The following TMEM74 variants were observed in gnomAD, a reference collection of about 807,000 sequenced individuals.
TMEM74 encodes the protein transmembrane protein 74.
In TMEM74, 13 loss-of-function variants were observed where a neutral mutation model predicts 18.1. That is an observed-to-expected ratio of 0.72 (90% CI 0.47 to 1.14). TMEM74 has a LOEUF of 1.14. Ranked by LOEUF, TMEM74 falls within the 50% of genes most tolerant of loss-of-function variation. The probability of loss-of-function intolerance (pLI) is 0.00; values close to 1 mark genes in which losing one functional copy is unlikely to be tolerated. For synonymous variants in TMEM74, 159 were observed against 146.6 expected (o/e 1.08, Z -0.61); for missense variants, 372 against 375.9 (o/e 0.99, Z 0.09).
intron 1 of TMEM74, among the ~76,000 whole-genome samples, chr8:108,678,691 C>A (rs1813080741): frequency 6.6e-6 from 1 of 150,454 alleles, no homozygotes; most frequent in Admixed American, 6.6e-5. Context: ...TCTTATAAAG[C>A]TGACTTTATT....
intron 2 of TMEM74, among the ~76,000 whole-genome samples, chr8:108,628,986 GT>G (rs911321632): frequency 6.6e-6 from 1 of 151,784 alleles, no homozygotes; most frequent in Non-Finnish European, 1.5e-5. Context: ...GGTGTTGTTT[GT>G]TTTTTTCTTG....
chr8:108,690,945 G>A (rs1159386513), intron 1 of TMEM74, among the ~76,000 whole-genome samples: 1 of 152,210 alleles, frequency 6.6e-6, no homozygotes, highest in Non-Finnish European at 1.5e-5. Context: ...AGCTCACAAA[G>A]TTAATGAGAG....
At chr8:108,683,365 T>A (rs1405355047) in intron 1 of TMEM74, among the ~76,000 whole-genome samples, 1 of 151,784 alleles carries the variant, frequency 6.6e-6, no homozygotes, top group African/African-American at 2.4e-5. Context: ...TTTATAAACA[T>A]AATTACAAAT....
At chr8:108,646,082 T>C (rs1190210870) in intron 2 of TMEM74, among the ~76,000 whole-genome samples, 1 of 133,010 alleles carries the variant, frequency 7.5e-6, no homozygotes, top group East Asian at 2.1e-4. Context: ...GTTCACGAAG[T>C]TTTTTTTTTT....
chr8:108,690,622 T>C (rs1320255604), intron 1 of TMEM74, among the ~76,000 whole-genome samples: 1 of 151,864 alleles, frequency 6.6e-6, no homozygotes, highest in East Asian at 1.9e-4. Flanking sequence ...AAGACTATCC[T>C]GGATAACACG....
intron 1 of TMEM74, among the ~76,000 whole-genome samples, chr8:108,725,987 T>C (rs529197217): frequency 6.6e-6 from 1 of 152,260 alleles, no homozygotes; most frequent in East Asian, 1.9e-4. Flanking sequence ...TTGTATACCA[T>C]GTGAGAACTT....
At chr8:108,765,407 C>CTTTTTTTTTTTTTTTTTT (rs61334796) in intron 1 of TMEM74, among the ~76,000 whole-genome samples, 3 of 120,732 alleles carry the variant, frequency 2.5e-5, no homozygotes, top group African/African-American at 6.3e-5. Flanking sequence ...TTTGGAACTA[C>CTTTTTTTTTTTTTTTTTT]TTTTTTTTTT....
At chr8:108,787,020 C>T (rs1814393949) in intron 1 of TMEM74, among the ~76,000 whole-genome samples, 2 of 152,156 alleles carry the variant, frequency 1.3e-5, no homozygotes, top group Admixed American at 6.5e-5. Context: ...ATGGATAATC[C>T]CAGGGGACCA....
intron 1 of TMEM74, among the ~76,000 whole-genome samples, chr8:108,751,732 A>C (rs1370681492): frequency 2.6e-5 from 4 of 152,100 alleles, no homozygotes; most frequent in Admixed American, 2.6e-4. Context: ...ATGACAAAAA[A>C]TCCAAACAAA....
intron 1 of TMEM74, among the ~76,000 whole-genome samples, chr8:108,736,405 T>G (rs1259019202): frequency 6.6e-6 from 1 of 152,176 alleles, no homozygotes; most frequent in Non-Finnish European, 1.5e-5. Context: ...TGTTCTCTGA[T>G]GATCCTATAT....
At chr8:108,663,669 T>C (rs911080314) in intron 1 of TMEM74, among the ~76,000 whole-genome samples, 2 of 152,162 alleles carry the variant, frequency 1.3e-5, no homozygotes, top group Non-Finnish European at 2.9e-5. Context: ...CATATGTTCA[T>C]TGCAGCACTA....
rs962853797 is a variant in TMEM74 at position 108,780,162 on chromosome 8, G to C, written c.*4019C>G. ...AGTATTACATCTTGCTGTAATAGGTGAACCACTGGCAAAGGTTGTGAATCT... is the reference window on the plus strand; with the variant it reads ...AGTATTACATCTTGCTGTAATAGGTCAACCACTGGCAAAGGTTGTGAATCT... On this transcript the variant is annotated 3_prime_UTR_variant, in exon 2 of 2. Transcript: ENST00000297459. Among the ~76,000 whole-genome samples the C allele has an allele frequency of 1.6e-4, 24 of 152,154 alleles. No individual in the cohort carries two copies. The highest frequency in any genetic ancestry group is 3.2e-4 in the Non-Finnish European group (22 of 68,024).
chr8:108,787,296 T>A lies in TMEM74; in HGVS notation c.-40+180A>T, dbSNP rs1022493010. Among the ~76,000 whole-genome samples the A allele has an allele frequency of 2.6e-5, 4 of 152,262 alleles. No individual in the cohort carries two copies. The South Asian group carries it at 8.3e-4, about 32-fold the overall frequency. The stretch of plus-strand genomic sequence containing the variant: ...GGTGCCCCCAGCAGGCGCCGAGGAA[T>A]CCGGCTATCCATTTCTGGTGAACTC... On this transcript the variant is annotated intron_variant, in intron 1 of 1. Coordinates refer to ENST00000297459, the MANE Select transcript of TMEM74 (RefSeq NM_153015.3).
intron 2 of TMEM74, among the ~76,000 whole-genome samples, chr8:108,636,245 A>T (rs1812605733): frequency 6.6e-6 from 1 of 152,056 alleles, no homozygotes; most frequent in South Asian, 2.1e-4. Context: ...ATAAGGAATT[A>T]GTGGGAGTGG....
At chr8:108,733,896 A>T (rs1298559609) in intron 1 of TMEM74, among the ~76,000 whole-genome samples, 1 of 152,194 alleles carries the variant, frequency 6.6e-6, no homozygotes, top group Non-Finnish European at 1.5e-5. Context: ...GTTCCACAAC[A>T]TCAAGCATCA....
chr8:108,733,135 A>C (rs1025503580), intron 1 of TMEM74, among the ~76,000 whole-genome samples: 1 of 152,180 alleles, frequency 6.6e-6, no homozygotes, highest in African/African-American at 2.4e-5. Flanking sequence ...CCTATGACCC[A>C]GCAATTATAC....
At chr8:108,700,130 G>GGTGTGT (rs3049748) in intron 1 of TMEM74, among the ~76,000 whole-genome samples, 23,288 of 142,986 alleles carry the variant, frequency 0.16, 2,125 homozygotes, top group African/African-American at 0.22. Context: ...GGCCATAAAT[G>GGTGTGT]GTGTGTGTGT....
intron 1 of TMEM74, among the ~76,000 whole-genome samples, chr8:108,704,493 A>C (rs528990660): frequency 6.6e-6 from 1 of 152,332 alleles, no homozygotes; most frequent in African/African-American, 2.4e-5. Flanking sequence ...TTTCTGGGGA[A>C]GGATGTGTAA....
At chr8:108,658,447 A>G (rs1404500995) in intron 1 of TMEM74, among the ~76,000 whole-genome samples, 1 of 152,116 alleles carries the variant, frequency 6.6e-6, no homozygotes, top group African/African-American at 2.4e-5. Flanking sequence ...CACATTAGAA[A>G]TGAGAGAAAT....
Sources: allele counts gnomAD v4.1 joint callset (sites outside exome capture counted in the v4.1 genomes callset), GRCh38; gene constraint gnomAD v4.1.1; transcripts MANE v1.5; gene names NCBI Gene and HGNC (gene_info 2026-07-23, HGNC 2026-07-21).